The following HIBADH variants were observed in gnomAD, a reference collection of about 807,000 sequenced individuals.
The protein encoded by HIBADH is 3-hydroxyisobutyrate dehydrogenase, mitochondrial.
HIBADH carries 25 observed loss-of-function variants against 36.1 expected under a neutral mutation model. That is an observed-to-expected ratio of 0.69 (90% CI 0.50 to 0.97). HIBADH has a LOEUF of 0.97. Among genes scored for constraint, HIBADH ranks in the 50% least tolerant of loss-of-function variants. The pLI, the probability that HIBADH is intolerant of heterozygous loss-of-function variation, is 0.00. For synonymous variants in HIBADH, 160 were observed against 149.5 expected, an observed-to-expected ratio of 1.07 and a Z score of -0.51; for missense variants, 421 against 418.0, an observed-to-expected ratio of 1.01 and a Z score of -0.06.
Position 27,526,025 on chromosome 7 carries a change from A to G in HIBADH, c.*189T>C. The G allele has an allele frequency of 2.4e-6, 1 of 423,662 alleles. No individual in the cohort carries two copies. The allele number at this position is 423,662 out of a possible 1,614,324, so 26.2% of individuals were successfully genotyped here. ...ACTATCAGTGGCTTGCAGAAAAAAA[A>G]TTCGGATAATATGTTTGTTAAAAAG... On this transcript the variant is annotated 3_prime_UTR_variant, in exon 8 of 8. Transcript: ENST00000265395.
At chr7:27,649,382 T>C in intron 2 of HIBADH, 91 bp downstream of exon 2, 1 of 945,558 alleles carries the variant, frequency 1.1e-6, no homozygotes, top group Non-Finnish European at 1.5e-6. Flanking sequence ...ACAACTCCAT[T>C]GGGTATACTT....
At chr7:27,566,918 T>G (rs892314055) in intron 4 of HIBADH, among the ~76,000 whole-genome samples, 2 of 152,188 alleles carry the variant, frequency 1.3e-5, no homozygotes, top group Non-Finnish European at 2.9e-5. Context: ...TAATTCTAGT[T>G]CTTTTCAAAT....
intron 4 of HIBADH, among the ~76,000 whole-genome samples, chr7:27,565,194 G>T (rs1298436602): frequency 6.6e-6 from 1 of 152,116 alleles, no homozygotes; most frequent in Non-Finnish European, 1.5e-5. Flanking sequence ...CAAAACTGCT[G>T]AAATTATTCA....
intron 6 of HIBADH, among the ~76,000 whole-genome samples, chr7:27,535,649 T>A (rs555332278): frequency 6.6e-6 from 1 of 152,028 alleles, no homozygotes; most frequent in Non-Finnish European, 1.5e-5. Context: ...TTCAGGACCA[T>A]AAAACTATGC....
chr7:27,550,161 G>A (rs921616964), intron 4 of HIBADH, among the ~76,000 whole-genome samples: 13 of 151,910 alleles, frequency 8.6e-5, no homozygotes, highest in African/African-American at 2.2e-4. Flanking sequence ...CTCCTGCCTC[G>A]GCCTCCCAAA....
chr7:27,584,482 G>A (rs1047832084), intron 4 of HIBADH, among the ~76,000 whole-genome samples: 2 of 152,072 alleles, frequency 1.3e-5, no homozygotes, highest in Non-Finnish European at 2.9e-5. Context: ...GAAAGATCCA[G>A]TTTTATCATT....
chr7:27,542,141 TCTAA>T (rs905061477), intron 5 of HIBADH, among the ~76,000 whole-genome samples: 6 of 152,334 alleles, frequency 3.9e-5, no homozygotes, highest in South Asian at 2.1e-4. Flanking sequence ...TCACGACATA[TCTAA>T]CTTTTTCTTA....
chr7:27,657,012 T>G (rs1786319289), intron 1 of HIBADH, among the ~76,000 whole-genome samples: 1 of 152,186 alleles, frequency 6.6e-6, no homozygotes, highest in South Asian at 2.1e-4. Flanking sequence ...TACATGGTAA[T>G]GGCATCCTTC....
chr7:27,536,456 A>G (rs899188371), intron 6 of HIBADH, among the ~76,000 whole-genome samples: 1 of 152,134 alleles, frequency 6.6e-6, no homozygotes, highest in African/African-American at 2.4e-5. Flanking sequence ...TAAAAGTTTC[A>G]TATTTCTAAA....
chr7:27,568,728 C>T (rs1195001011), intron 4 of HIBADH, among the ~76,000 whole-genome samples: 1 of 152,126 alleles, frequency 6.6e-6, no homozygotes, highest in African/African-American at 2.4e-5. Context: ...ACTTTAGTCT[C>T]CCAAAGTGCT....
chr7:27,536,303 T>C (rs1784069130), intron 6 of HIBADH, among the ~76,000 whole-genome samples: 1 of 152,154 alleles, frequency 6.6e-6, no homozygotes, highest in South Asian at 2.1e-4. Context: ...TTCATTGGTA[T>C]AATCTGAAAC....
intron 4 of HIBADH, among the ~76,000 whole-genome samples, chr7:27,590,684 T>G (rs1304585465): frequency 3.9e-5 from 6 of 152,198 alleles, no homozygotes; most frequent in African/African-American, 1.4e-4. Context: ...TAAAGCATTC[T>G]GAAGGTATCT....
chr7:27,613,924 T>C (rs1327545404), intron 4 of HIBADH, among the ~76,000 whole-genome samples: 1 of 152,194 alleles, frequency 6.6e-6, no homozygotes, highest in Non-Finnish European at 1.5e-5. Flanking sequence ...CCTCCCAAAG[T>C]GCTGGGATTA....
At chr7:27,609,855 T>C (rs1785294659) in intron 4 of HIBADH, among the ~76,000 whole-genome samples, 1 of 152,140 alleles carries the variant, frequency 6.6e-6, no homozygotes, top group South Asian at 2.1e-4. Flanking sequence ...TCTTGCTCTG[T>C]CGCCCAGGCT....
chr7:27,596,389 T>C (rs1212799541), intron 4 of HIBADH, among the ~76,000 whole-genome samples: 1 of 152,192 alleles, frequency 6.6e-6, no homozygotes, highest in African/African-American at 2.4e-5. Context: ...GGGAATTAAG[T>C]TTCTAACACA....
At chr7:27,563,797 A>G (rs1258984385) in intron 4 of HIBADH, among the ~76,000 whole-genome samples, 1 of 152,054 alleles carries the variant, frequency 6.6e-6, no homozygotes, top group East Asian at 1.9e-4. Context: ...TTCTGGCTAC[A>G]TGGCTTTGGT....
chr7:27,566,610 TTTTTC>T (rs1246227171), intron 4 of HIBADH, among the ~76,000 whole-genome samples: 1 of 152,122 alleles, frequency 6.6e-6, no homozygotes, highest in Non-Finnish European at 1.5e-5. Flanking sequence ...TTTACTTTTC[TTTTTC>T]TAGTTTCTCA....
chr7:27,587,092 A>C (rs996002648), intron 4 of HIBADH, among the ~76,000 whole-genome samples: 18 of 152,136 alleles, frequency 1.2e-4, no homozygotes, highest in Admixed American at 1.2e-3. Context: ...TCAATTACTC[A>C]AGTGTGCCCT....
chr7:27,532,667 T>C (rs1784020180), intron 6 of HIBADH, among the ~76,000 whole-genome samples: 1 of 152,206 alleles, frequency 6.6e-6, no homozygotes, highest in African/African-American at 2.4e-5. Context: ...GTTATAGTGA[T>C]GGATTTTACT....
Sources: gnomAD v4.1 joint callset for allele counts (sites outside exome capture counted in the v4.1 genomes callset) on GRCh38, gnomAD v4.1.1 for gene constraint, MANE v1.5 for transcripts, NCBI Gene and HGNC (gene_info 2026-07-23, HGNC 2026-07-21) for gene names.